The following TPRG1L variants were observed in gnomAD, a reference collection of about 807,000 sequenced individuals.
TPRG1L encodes tumor protein p63-regulated gene 1-like protein.
Under a neutral mutation model 29.4 loss-of-function variants are expected in TPRG1L, and 25 were observed. The observed-to-expected ratio is 0.85, with a 90% confidence interval of 0.62 to 1.19. The LOEUF (loss-of-function observed/expected upper bound fraction) is 1.19, where lower values mean the gene tolerates loss of function less well. TPRG1L is among the 50% of genes most tolerant of loss of function. The probability of loss-of-function intolerance (pLI) is 0.00; values close to 1 mark genes in which losing one functional copy is unlikely to be tolerated. For missense variants in TPRG1L, 354 were observed against 364.4 expected (o/e 0.97, Z 0.23); for synonymous variants, 182 against 151.1 (o/e 1.20, Z -1.50).
At chr1:3,627,718 G>C in intron 4 of TPRG1L, 65 bp downstream of exon 4, 1 of 1,600,054 alleles carries the variant, frequency 6.2e-7, no homozygotes, top group Middle Eastern at 1.7e-4. Flanking sequence ...CCGCAGTCAC[G>C]GAGACACTTC....
At position 3,625,445 on chromosome 1, in the gene TPRG1L, G is replaced by C. The variant is rs775232713; in HGVS notation, c.223G>C (p.Val75Leu). ...CCAGCCCGGCAGCATCGAGCAGGCAGTGGAGGAGATCCGCGTGGTGGTGCG... is the reference window on the plus strand; with the variant it reads ...CCAGCCCGGCAGCATCGAGCAGGCACTGGAGGAGATCCGCGTGGTGGTGCG... ...VFRPGSIEQA[V>L]EEIRVVVRPV... The change falls in exon 2 of 5, where the codon GTG becomes CTG. Residue 75 changes from valine to leucine, a missense_variant. Coordinates refer to ENST00000378344, the MANE Select transcript of TPRG1L (RefSeq NM_182752.4). 6.2e-7 allele frequency: 1 copy of C among 1,604,616 alleles called. No homozygotes were observed. Among genetic ancestry groups the C allele is most frequent in the Non-Finnish European group, 8.5e-7 (1 of 1,176,828 alleles).
Position 3,625,566 on chromosome 1 carries a change from G to A in TPRG1L, c.293+51G>A, listed in dbSNP as rs146296827. 1.4e-3 allele frequency: 2,189 copies of A among 1,575,634 alleles called. 28 individuals are homozygous for A. The African/African-American group carries it at 0.027, about 19-fold the overall frequency. On this transcript the variant is annotated intron_variant, in intron 2 of 4. Transcript: ENST00000378344. The stretch of plus-strand genomic sequence containing the variant: ...GTGGGGGGACTCGCCCCGAGCCGCC[G>A]CGCAGCACCTTGCGAGGACTTCCCG...
chr1:3,625,668 G>C, intron 2 of TPRG1L, 45 bp from the exon 3 acceptor site: 1 of 1,586,248 alleles, frequency 6.3e-7, no homozygotes, highest in Non-Finnish European at 8.6e-7. Context: ...GCTAAGTCGA[G>C]ACAGCCGCGT....
chr1:3,628,776 A>G lies in TPRG1L; in HGVS notation c.*173A>G. On this transcript the variant is annotated 3_prime_UTR_variant, in exon 5 of 5. Coordinates refer to ENST00000378344, the MANE Select transcript of TPRG1L (RefSeq NM_182752.4). ...GGGATCTCAGCACAATTAGAATCGT[A>G]AAGTGAATTCTATCTATTTAATTGG... 3.4e-6 allele frequency: 2 copies of G among 588,056 alleles called. No homozygotes were observed. Among genetic ancestry groups the G allele is most frequent in the Non-Finnish European group, 5.8e-6 (2 of 346,388 alleles). The allele number at this position is 588,056 out of a possible 1,614,324, so 36.4% of individuals were successfully genotyped here.
chr1:3,628,676 G>A lies in TPRG1L; in HGVS notation c.*73G>A. Reference sequence around the variant, plus strand: ...CCCCAGAAGGCCAAGGGATGTGGGGGCTGGGGGACTGGGAGGCCTGGCAGT... The same window carrying A: ...CCCCAGAAGGCCAAGGGATGTGGGGACTGGGGGACTGGGAGGCCTGGCAGT... On this transcript the variant is annotated 3_prime_UTR_variant, in exon 5 of 5. Coordinates refer to ENST00000378344, the MANE Select transcript of TPRG1L (RefSeq NM_182752.4). 2 of 1,456,664 alleles carry A rather than the reference G, an allele frequency of 1.4e-6. No homozygotes were observed. Among genetic ancestry groups the A allele is most frequent in the South Asian group, 2.7e-5 (2 of 75,224 alleles). The allele number at this position is 1,456,664 out of a possible 1,614,324, so 90.2% of individuals were successfully genotyped here.
intron 3 of TPRG1L, 126 bp from the exon 4 acceptor site, chr1:3,627,374 A>G (rs955288167): frequency 9.9e-7 from 1 of 1,013,994 alleles, no homozygotes; most frequent in South Asian, 1.5e-5. Flanking sequence ...GTGATATGTC[A>G]TAGGTCTTTT....
At chr1:3,628,220 A>G (rs561407139) in intron 4 of TPRG1L, among the ~76,000 whole-genome samples, 189 bp from the exon 5 acceptor site, 68 of 152,342 alleles carry the variant, frequency 4.5e-4, no homozygotes, top group Middle Eastern at 3.4e-3. Flanking sequence ...CCACACACCT[A>G]GAGAGCTCCG....
intron 2 of TPRG1L, 30 bp downstream of exon 2, chr1:3,625,545 G>A (rs1194404025): frequency 6.3e-7 from 1 of 1,588,246 alleles, no homozygotes; most frequent in East Asian, 2.3e-5. Flanking sequence ...TCCTTGGTGG[G>A]GGGACTCGCC....
rs1230902020 is a variant in TPRG1L, at chr1:3,630,042, T to C, written c.*1439T>C. 1 of 152,288 alleles carries C rather than the reference T, an allele frequency of 6.6e-6. No homozygotes were observed. Among genetic ancestry groups the C allele is most frequent in the African/African-American group, 2.4e-5 (1 of 41,466 alleles). The allele number at this position is 152,288 out of a possible 1,614,324, so 9.4% of individuals were successfully genotyped here. A position where few individuals can be genotyped will look rare whatever the true frequency, so the allele number is the denominator to read the frequency against. On this transcript the variant is annotated 3_prime_UTR_variant, in exon 5 of 5. Coordinates refer to ENST00000378344, the MANE Select transcript of TPRG1L (RefSeq NM_182752.4). ...TGCCTCAGAAGCTGGCTGGGGACTC[T>C]AGCCTCTGTGTTCATAAAGACATTA...
rs557382736 is a variant in TPRG1L at position 3,625,860 on chromosome 1, A to G, written c.441A>G (p.Glu147=). The change falls in exon 3 of 5, where the codon GAA becomes GAG. Residue 147 remains glutamate, a synonymous_variant. Coordinates refer to ENST00000378344, the MANE Select transcript of TPRG1L (RefSeq NM_182752.4). ...CAGTAGACACCATTTCCTACGGAGA[A>G]TTCCAGTTTCCCCCTAAATCGCTCA... ...LNAVDTISYG[E]FQFPPKSLNK... 7.4e-6 allele frequency: 12 copies of G among 1,612,584 alleles called. No homozygotes were observed. In the South Asian group the frequency reaches 1.2e-4, roughly 16 times the overall value.
chr1:3,628,346 T>TC (rs1162745086), intron 4 of TPRG1L, 63 bp from the exon 5 acceptor site: 122 of 1,429,566 alleles, frequency 8.5e-5, no homozygotes, highest in Non-Finnish European at 1.1e-4. Flanking sequence ...GCTAATTTTT[T>TC]CAAGTAATAG....
At position 3,629,870 on chromosome 1, in the gene TPRG1L, T is replaced by G. The variant is rs1443652940; in HGVS notation, c.*1267T>G. The G allele has an allele frequency of 6.6e-6, 1 of 152,280 alleles. No homozygotes were observed. The highest frequency in any genetic ancestry group is 2.4e-5 in the African/African-American group (1 of 41,446). 9.4% of individuals were successfully genotyped at this position (152,280 alleles called of 1,614,324 possible). Reference sequence around the variant, plus strand: ...CCCCACAGGGACCCACGCACCTCCCTGTATCTGCGCAGCTTGCTCGTGTGG... The same window carrying G: ...CCCCACAGGGACCCACGCACCTCCCGGTATCTGCGCAGCTTGCTCGTGTGG... On this transcript the variant is annotated 3_prime_UTR_variant, in exon 5 of 5. Coordinates refer to ENST00000378344, the MANE Select transcript of TPRG1L (RefSeq NM_182752.4).
intron 1 of TPRG1L, 52 bp from the exon 2 acceptor site, chr1:3,625,372 G>C: frequency 1.3e-6 from 2 of 1,547,092 alleles, no homozygotes. Context: ...CGCAGGGAGC[G>C]AGCTGTGACC....
rs1235424259 is a variant in TPRG1L at position 3,625,736 on chromosome 1, A to T, written c.317A>T (p.Lys106Met). 4.3e-6 allele frequency: 7 copies of T among 1,613,314 alleles called. No individual in the cohort carries two copies. The highest frequency in any genetic ancestry group is 5.9e-6 in the Non-Finnish European group (7 of 1,179,762). Residue 106 changes from lysine (K) to methionine (M), a missense_variant, in exon 3 of 5, where the codon AAG (lysine) becomes ATG (methionine). By Grantham distance (95) the Lys-to-Met change is moderately conservative. Coordinates refer to ENST00000378344, the MANE Select transcript of TPRG1L (RefSeq NM_182752.4). ...AGGGTGGATCACTGGAACAATGAGAAGGAGCGGCTGGTGCTGGTCACGGAG... is the reference window on the plus strand; with the variant it reads ...AGGGTGGATCACTGGAACAATGAGATGGAGCGGCTGGTGCTGGTCACGGAG... The part of the protein sequence containing the change: ...LTEVDHWNNE[K>M]ERLVLVTEQS...
At chr1:3,626,905 CAT>C (rs1444918092) in intron 3 of TPRG1L, among the ~76,000 whole-genome samples, 4 of 152,032 alleles carry the variant, frequency 2.6e-5, no homozygotes, top group African/African-American at 9.7e-5. Context: ...AATTTTTAAT[CAT>C]GTAAAGATTA....
chr1:3,627,682 G>GC (rs757424276), intron 4 of TPRG1L, 29 bp downstream of exon 4: 27 of 1,610,496 alleles, frequency 1.7e-5, no homozygotes, highest in Admixed American at 1.0e-4. Context: ...AAATAGCCGC[G>GC]CCCCCCGCAG....
intron 3 of TPRG1L, among the ~76,000 whole-genome samples, chr1:3,626,270 AT>A (rs1409628663): frequency 6.6e-6 from 1 of 152,242 alleles, no homozygotes; most frequent in African/African-American, 2.4e-5. Flanking sequence ...GCTCTGGCTA[AT>A]TTTTTAAAGA....
rs1189995039 is a variant in TPRG1L at position 3,628,853 on chromosome 1, T to C, written c.*250T>C. ...CAGACAAAAGCCAAAAGACTCTCGC[T>C]GTCCCTGTGCTGCTGGTATTTCATT... On this transcript the variant is annotated 3_prime_UTR_variant, in exon 5 of 5. Coordinates refer to ENST00000378344, the MANE Select transcript of TPRG1L (RefSeq NM_182752.4). 1 of 392,192 alleles carries C rather than the reference T, an allele frequency of 2.5e-6. No individual in the cohort carries two copies. Among genetic ancestry groups the C allele is most frequent in the African/African-American group, 2.0e-5 (1 of 49,574 alleles). The allele number at this position is 392,192 out of a possible 1,614,324, so 24.3% of individuals were successfully genotyped here.
In TPRG1L at chr1:3,625,417, C is replaced by T. The variant is rs1644477620; in HGVS notation, c.202-7C>T. ...TGCCCCCGTCCCCCACCCCGCAACC[C>T]GCCCAGCCCGGCAGCATCGAGCAGG... On this transcript the variant is annotated splice_region_variant and splice_polypyrimidine_tract_variant and intron_variant, in intron 1 of 4. Coordinates refer to ENST00000378344, the MANE Select transcript of TPRG1L (RefSeq NM_182752.4). The T allele has an allele frequency of 1.9e-6, 3 of 1,585,794 alleles. No homozygotes were observed. Among genetic ancestry groups the T allele is most frequent in the Non-Finnish European group, 1.7e-6 (2 of 1,167,658 alleles).
Sources: allele counts gnomAD v4.1 joint callset (sites outside exome capture counted in the v4.1 genomes callset), GRCh38; gene constraint gnomAD v4.1.1; transcripts MANE v1.5; gene names NCBI Gene and HGNC (gene_info 2026-07-23, HGNC 2026-07-21).